The following WAC variants were observed in gnomAD, a reference collection of about 807,000 sequenced individuals.
WAC encodes the protein WW domain containing adaptor with coiled-coil, also known as WW domain-containing adapter protein with coiled-coil.
A neutral mutation model predicts 79.6 loss-of-function variants in WAC; 11 were observed. The observed-to-expected ratio is 0.14, with a 90% CI of 0.09 to 0.23. The LOEUF (loss-of-function observed/expected upper bound fraction) is 0.23, where lower values mean the gene tolerates loss of function less well. WAC is among the 10% of genes least tolerant of loss of function. WAC has a pLI of 1.00. For missense variants in WAC, 728 were observed against 773.5 expected (o/e 0.94, Z 0.70); for synonymous variants, 304 against 276.9 (o/e 1.10, Z -0.97).
intron 7 of WAC, among the ~76,000 whole-genome samples, chr10:28,604,392 A>G (rs1301067958): frequency 6.6e-6 from 1 of 152,110 alleles, no homozygotes; most frequent in Non-Finnish European, 1.5e-5. Context: ...GTGTATGTTG[A>G]TGCCATTTTG....
At chr10:28,586,017 A>G (rs1839803536) in intron 4 of WAC, among the ~76,000 whole-genome samples, 1 of 152,188 alleles carries the variant, frequency 6.6e-6, no homozygotes, top group African/African-American at 2.4e-5. Context: ...TGTTTCTGGA[A>G]TCCGCGTTCT....
At chr10:28,610,901 T>G in intron 9 of WAC, 80 bp downstream of exon 9, 1 of 1,413,918 alleles carries the variant, frequency 7.1e-7, no homozygotes, top group Non-Finnish European at 9.2e-7. Context: ...TTGTATTTAG[T>G]TTTTTCTTTC....
At position 28,543,783 on chromosome 10, in the gene WAC, A is replaced by G. The variant is rs576095714; in HGVS notation, c.274+8026A>G. On this transcript the variant is annotated intron_variant, in intron 3 of 13. Coordinates refer to ENST00000354911, the MANE Select transcript of WAC (RefSeq NM_016628.5). ...GTCACCTTGTATCTTCTCATTTAAG[A>G]GTTAATCACTAGTTTTCATAGAAAA... 3.5e-4 allele frequency among the ~76,000 whole-genome samples: 53 copies of G among 152,364 alleles called. No individual in the cohort carries two copies. In the East Asian group the frequency reaches 6.7e-3, roughly 19 times the overall value.
At position 28,610,736 on chromosome 10, in the gene WAC, T is replaced by C; in HGVS notation, c.1203T>C (p.Ser401=). 5.0e-6 allele frequency: 8 copies of C among 1,612,476 alleles called. No homozygotes were observed. The highest frequency in any genetic ancestry group is 6.8e-6 in the Non-Finnish European group (8 of 1,179,664). The change falls in exon 9 of 14, where the codon TCT becomes TCC. Residue 401 remains serine (S), a synonymous_variant. Coordinates refer to ENST00000354911, the MANE Select transcript of WAC (RefSeq NM_016628.5). The part of the protein sequence containing the change: ...TAAVTQASLQ[S]IIHKFLTAGP... Reference sequence around the variant, plus strand: ...CTGTGACACAAGCCTCACTGCAGTCTATAATTCATAAGTTTCTTACTGCTG... The same window carrying C: ...CTGTGACACAAGCCTCACTGCAGTCCATAATTCATAAGTTTCTTACTGCTG...
At chr10:28,613,821 A>G (rs898520935) in intron 10 of WAC, among the ~76,000 whole-genome samples, 2 of 152,154 alleles carry the variant, frequency 1.3e-5, no homozygotes, top group African/African-American at 2.4e-5. Flanking sequence ...GCTTTTCTCT[A>G]TGTGGCTTCT....
rs1841720974 is a variant in WAC at position 28,622,303 on chromosome 10, C to G, written c.*2697C>G. 6.6e-6 allele frequency: 1 copy of G among 150,528 alleles called. No homozygotes were observed. The allele number at this position is 150,528 out of a possible 1,614,324, so 9.3% of individuals were successfully genotyped here. The stretch of plus-strand genomic sequence containing the variant: ...TATCTATTAAAATAAGCATAATGTT[C>G]TGGACTAGAGTATTCCTTATCTAGT... On this transcript the variant is annotated 3_prime_UTR_variant, in exon 14 of 14. Transcript: ENST00000354911.
chr10:28,565,763 G>A (rs1192334830), intron 3 of WAC, among the ~76,000 whole-genome samples: 1 of 152,132 alleles, frequency 6.6e-6, no homozygotes, highest in Non-Finnish European at 1.5e-5. Context: ...AATAACACAA[G>A]CAGCTCTTTC....
intron 4 of WAC, among the ~76,000 whole-genome samples, chr10:28,585,217 G>GT (rs779656196): frequency 2.6e-5 from 4 of 152,150 alleles, no homozygotes; most frequent in African/African-American, 4.8e-5. Flanking sequence ...TGAATTTGGG[G>GT]TTTTAGAACC....
chr10:28,535,810 T>A (rs1404601110), intron 3 of WAC, 53 bp downstream of exon 3: 1 of 1,444,748 alleles, frequency 6.9e-7, no homozygotes, highest in Non-Finnish European at 9.4e-7. Flanking sequence ...AATAGCTCTA[T>A]ATAAAAGGCG....
chr10:28,596,296 TTAAG>T (rs1368598479), intron 7 of WAC, among the ~76,000 whole-genome samples: 5 of 152,242 alleles, frequency 3.3e-5, no homozygotes, highest in South Asian at 4.1e-4. Context: ...CAATAATGGT[TTAAG>T]TAATTTGTTA....
chr10:28,597,096 GTTA>G (rs1325308500), intron 7 of WAC, among the ~76,000 whole-genome samples: 1 of 151,854 alleles, frequency 6.6e-6, no homozygotes, highest in Non-Finnish European at 1.5e-5. Context: ...TATTATACAT[GTTA>G]TTTGAATTTT....
At chr10:28,539,346 C>T (rs1383168954) in intron 3 of WAC, among the ~76,000 whole-genome samples, 1 of 152,100 alleles carries the variant, frequency 6.6e-6, no homozygotes, top group Non-Finnish European at 1.5e-5. Flanking sequence ...CTTGCTGTAA[C>T]ATAGCGTGTA....
intron 3 of WAC, among the ~76,000 whole-genome samples, chr10:28,550,453 A>T (rs941587512): frequency 4.0e-5 from 6 of 150,154 alleles, no homozygotes; most frequent in Admixed American, 1.3e-4. Flanking sequence ...TATCTTTATT[A>T]TAGCTCTTTT....
chr10:28,541,413 G>GTTTTTTTTTT (rs1435952488), intron 3 of WAC, among the ~76,000 whole-genome samples: 3 of 50,738 alleles, frequency 5.9e-5, no homozygotes, highest in Non-Finnish European at 8.4e-5. Flanking sequence ...GTGTGTGTGT[G>GTTTTTTTTTT]TGTTTTGTTT....
chr10:28,584,720 A>G (rs1839722997), intron 4 of WAC, among the ~76,000 whole-genome samples: 1 of 152,188 alleles, frequency 6.6e-6, no homozygotes, highest in Non-Finnish European at 1.5e-5. Flanking sequence ...AGCAGTGTGG[A>G]TAGTACATTT....
chr10:28,595,207 CCTT>C (rs1433668628), intron 6 of WAC, among the ~76,000 whole-genome samples: 1 of 152,086 alleles, frequency 6.6e-6, no homozygotes, highest in Non-Finnish European at 1.5e-5. Flanking sequence ...TTCATTTAAG[CCTT>C]CTTATAAACT....
intron 2 of WAC, 113 bp downstream of exon 2, chr10:28,534,147 C>CT: frequency 9.8e-7 from 1 of 1,024,318 alleles, no homozygotes; most frequent in Non-Finnish European, 1.4e-6. Flanking sequence ...TGCAACACAT[C>CT]TGAAACTAGC....
intron 3 of WAC, among the ~76,000 whole-genome samples, chr10:28,555,716 T>A (rs1179507656): frequency 6.6e-6 from 1 of 152,180 alleles, no homozygotes; most frequent in Non-Finnish European, 1.5e-5. Context: ...ATTTGGAGGT[T>A]GGGCCTTTGG....
chr10:28,601,290 G>A (rs545047802), intron 7 of WAC, among the ~76,000 whole-genome samples: 1 of 152,166 alleles, frequency 6.6e-6, no homozygotes, highest in East Asian at 1.9e-4. Flanking sequence ...TATCCTGGTG[G>A]CCAGTAAGCA....
Sources: allele counts gnomAD v4.1 joint callset (sites outside exome capture counted in the v4.1 genomes callset), GRCh38; gene constraint gnomAD v4.1.1; transcripts MANE v1.5; gene names NCBI Gene and HGNC (gene_info 2026-07-23, HGNC 2026-07-21).